Variants in MSI2 observed in about 807,000 individuals in gnomAD.
MSI2 encodes the protein musashi RNA binding protein 2, also known as RNA-binding protein Musashi homolog 2.
Under a neutral mutation model 45.6 loss-of-function variants are expected in MSI2, and 17 were observed. That is an observed-to-expected ratio of 0.37 (90% CI 0.26 to 0.56). The LOEUF (loss-of-function observed/expected upper bound fraction) is 0.56. MSI2 is among the 20% of genes least tolerant of loss of function. MSI2 has a pLI of 0.77. For missense variants in MSI2, 293 were observed against 444.2 expected, an observed-to-expected ratio of 0.66 and a Z score of 3.06; for synonymous variants, 156 against 158.2, an observed-to-expected ratio of 0.99 and a Z score of 0.11.
At chr17:57,544,293 T>A (rs1013089687) in intron 7 of MSI2, among the ~76,000 whole-genome samples, 3 of 152,224 alleles carry the variant, frequency 2.0e-5, no homozygotes, top group Non-Finnish European at 4.4e-5. Flanking sequence ...GCCTCTTTAG[T>A]GTGGGACTAA....
At chr17:57,535,698 G>A (rs1326394693) in intron 7 of MSI2, among the ~76,000 whole-genome samples, 1 of 152,188 alleles carries the variant, frequency 6.6e-6, no homozygotes, top group Non-Finnish European at 1.5e-5. Flanking sequence ...CTTTCCCAGA[G>A]TGGCTGTGGT....
At chr17:57,316,646 G>GA (rs1469871896) in intron 5 of MSI2, among the ~76,000 whole-genome samples, 3 of 152,258 alleles carry the variant, frequency 2.0e-5, no homozygotes, top group South Asian at 2.1e-4. Flanking sequence ...TTTGAGTTTG[G>GA]AAAATCCTGT....
At chr17:57,494,153 G>A (rs1178784772) in intron 6 of MSI2, among the ~76,000 whole-genome samples, 1 of 152,154 alleles carries the variant, frequency 6.6e-6, no homozygotes, top group African/African-American at 2.4e-5. Context: ...GCTCAGAGAG[G>A]TTCAACAACA....
chr17:57,314,149 T>G (rs998924528), intron 5 of MSI2, among the ~76,000 whole-genome samples: 3 of 152,122 alleles, frequency 2.0e-5, no homozygotes, highest in Admixed American at 6.5e-5. Context: ...ATGCCATCCC[T>G]TTGTATGAGT....
At chr17:57,594,683 G>C (rs894172155) in intron 7 of MSI2, among the ~76,000 whole-genome samples, 6 of 152,326 alleles carry the variant, frequency 3.9e-5, no homozygotes, top group Admixed American at 2.0e-4. Context: ...AGGGGGTAGG[G>C]GGTATAAACC....
chr17:57,259,968 A>G (rs746092059), intron 4 of MSI2: 1 of 152,164 alleles, frequency 6.6e-6, no homozygotes, highest in Non-Finnish European at 1.5e-5. Context: ...ACTTTGTTTC[A>G]ACGTTCAGTG....
the MSI2 span, among the ~76,000 whole-genome samples, chr17:57,693,438 A>G: frequency 8.1e-6 from 1 of 123,614 alleles, no homozygotes; most frequent in Admixed American, 8.2e-5. Flanking sequence ...TCTGCCTCCC[A>G]AAGTCTGTTG....
At chr17:57,467,902 G>A (rs1276670317) in intron 6 of MSI2, among the ~76,000 whole-genome samples, 2 of 135,282 alleles carry the variant, frequency 1.5e-5, no homozygotes, top group Non-Finnish European at 1.5e-5. Context: ...CCTGCACACT[G>A]ACAGTCTCTG....
intron 8 of MSI2, among the ~76,000 whole-genome samples, chr17:57,609,570 C>T (rs1907021442): frequency 1.3e-5 from 2 of 152,246 alleles, no homozygotes. Context: ...GCTTGGATTT[C>T]CCTCTGGGCC....
intron 6 of MSI2, among the ~76,000 whole-genome samples, chr17:57,478,895 C>T (rs1322017381): frequency 3.3e-5 from 5 of 152,210 alleles, no homozygotes; most frequent in Non-Finnish European, 7.3e-5. Flanking sequence ...TTTGCTGCTG[C>T]ATTTGTTCAT....
chr17:57,257,398 A>G, intron 2 of MSI2, 68 bp from the exon 3 acceptor site: 2 of 992,944 alleles, frequency 2.0e-6, no homozygotes, highest in Admixed American at 2.4e-5. Flanking sequence ...TCCTTGATCA[A>G]AATTTGCATT....
At chr17:57,490,561 G>A (rs1237315143) in intron 6 of MSI2, among the ~76,000 whole-genome samples, 1 of 152,228 alleles carries the variant, frequency 6.6e-6, no homozygotes, top group Non-Finnish European at 1.5e-5. Context: ...AAGAGGTCAT[G>A]TAAAGCATGG....
chr17:57,513,559 C>T (rs144560556), intron 6 of MSI2, among the ~76,000 whole-genome samples: 33 of 152,268 alleles, frequency 2.2e-4, no homozygotes, highest in Middle Eastern at 6.8e-3. Flanking sequence ...ATCTAGAATT[C>T]GACAGTGTCA....
chr17:57,404,386 C>T (rs1203095439), intron 6 of MSI2, among the ~76,000 whole-genome samples: 2 of 152,128 alleles, frequency 1.3e-5, no homozygotes, highest in African/African-American at 2.4e-5. Flanking sequence ...CAGTGTGCCC[C>T]GGAGTGCTGG....
At chr17:57,300,475 G>A (rs1048326982) in intron 5 of MSI2, among the ~76,000 whole-genome samples, 1 of 152,072 alleles carries the variant, frequency 6.6e-6, no homozygotes, top group Non-Finnish European at 1.5e-5. Context: ...TATTTTTTCT[G>A]CGTGTACTAC....
intron 6 of MSI2, among the ~76,000 whole-genome samples, chr17:57,496,514 G>T (rs1385939794): frequency 1.3e-5 from 2 of 152,248 alleles, no homozygotes; most frequent in Non-Finnish European, 2.9e-5. Flanking sequence ...TTTGACAAGC[G>T]AAGGAGGCAA....
At chr17:57,331,482 ACC>A (rs1914268877) in intron 5 of MSI2, among the ~76,000 whole-genome samples, 1 of 152,166 alleles carries the variant, frequency 6.6e-6, no homozygotes, top group Non-Finnish European at 1.5e-5. Flanking sequence ...TCGGACTGTC[ACC>A]CTGGTGAGGA....
At chr17:57,413,823 C>T (rs9889409) in intron 6 of MSI2, among the ~76,000 whole-genome samples, 5,962 of 151,986 alleles carry the variant, frequency 0.039, 491 homozygotes, top group African/African-American at 0.14. Flanking sequence ...TGAAAAGCTC[C>T]GCAATGTAGG....
chr17:57,458,558 A>C (rs1178157090), intron 6 of MSI2, among the ~76,000 whole-genome samples: 1 of 152,118 alleles, frequency 6.6e-6, no homozygotes, highest in African/African-American at 2.4e-5. Flanking sequence ...CTCATTGCTG[A>C]TATCTTCTTC....
Sources: gnomAD v4.1 joint callset for allele counts (sites outside exome capture counted in the v4.1 genomes callset) on GRCh38, gnomAD v4.1.1 for gene constraint, MANE v1.5 for transcripts, NCBI Gene and HGNC (gene_info 2026-07-23, HGNC 2026-07-21) for gene names.